The following DOCK1 variants were observed in gnomAD, a reference collection of about 807,000 sequenced individuals.
DOCK1 encodes dedicator of cytokinesis 1.
In DOCK1, 138 loss-of-function variants were observed where a neutral mutation model predicts 262.7. That is an observed-to-expected ratio of 0.53 (90% CI 0.46 to 0.61). The LOEUF (loss-of-function observed/expected upper bound fraction) is 0.61. DOCK1 is among the 20% of genes least tolerant of loss of function. DOCK1 has a pLI of 0.00. For missense variants in DOCK1, 1,908 were observed against 2,370.7 expected, an observed-to-expected ratio of 0.80 and a Z score of 4.05; for synonymous variants, 866 against 867.4, an observed-to-expected ratio of 1.00 and a Z score of 0.03.
At chr10:127,013,173 G>A (rs1329770212) in intron 12 of DOCK1, among the ~76,000 whole-genome samples, 1 of 152,160 alleles carries the variant, frequency 6.6e-6, no homozygotes, top group East Asian at 1.9e-4. Flanking sequence ...CCTTCCTAGG[G>A]ATCTGCAGGG....
chr10:126,941,761 GACAAAACAAAACAAA>G (rs1192975240), intron 1 of DOCK1, among the ~76,000 whole-genome samples: 1 of 150,488 alleles, frequency 6.6e-6, no homozygotes. Flanking sequence ...TCTCAAAACA[GACAAAACAAAACAAA>G]ACAAAACAAA....
chr10:127,019,300 G>C (rs933884940), intron 13 of DOCK1, among the ~76,000 whole-genome samples: 2 of 152,108 alleles, frequency 1.3e-5, no homozygotes, highest in Non-Finnish European at 2.9e-5. Context: ...CCGATAACAG[G>C]ATTTGCGTGT....
chr10:127,099,918 A>C (rs552785386), intron 23 of DOCK1, among the ~76,000 whole-genome samples: 43 of 152,282 alleles, frequency 2.8e-4, no homozygotes, highest in Admixed American at 2.2e-3. Context: ...GGGGCGGCAG[A>C]GCAGTGACTC....
At chr10:127,313,433 CA>C (rs1426302162) in intron 29 of DOCK1, among the ~76,000 whole-genome samples, 2 of 152,180 alleles carry the variant, frequency 1.3e-5, no homozygotes, top group Non-Finnish European at 2.9e-5. Flanking sequence ...TAGGGAACAG[CA>C]TTTAAGCCAT....
At chr10:127,331,043 T>C (rs1350403611) in intron 29 of DOCK1, among the ~76,000 whole-genome samples, 1 of 152,030 alleles carries the variant, frequency 6.6e-6, no homozygotes, top group Non-Finnish European at 1.5e-5. Flanking sequence ...ACTGGCAAGC[T>C]GTCACGTGGA....
intron 27 of DOCK1, among the ~76,000 whole-genome samples, chr10:127,240,466 A>G (rs1439605028): frequency 6.6e-6 from 1 of 152,156 alleles, no homozygotes; most frequent in African/African-American, 2.4e-5. Context: ...TTATGAGTTC[A>G]CTGATGAGAA....
intron 11 of DOCK1, among the ~76,000 whole-genome samples, chr10:127,011,010 C>G (rs573839487): frequency 1.3e-5 from 2 of 152,310 alleles, no homozygotes; most frequent in South Asian, 4.1e-4. Context: ...GTTTTAGATT[C>G]ACTGATTTTC....
intron 27 of DOCK1, among the ~76,000 whole-genome samples, chr10:127,128,696 C>G (rs1036760184): frequency 6.6e-6 from 1 of 152,136 alleles, no homozygotes; most frequent in East Asian, 1.9e-4. Context: ...CAGCTTCATC[C>G]ATGTCCCTGC....
intron 1 of DOCK1, among the ~76,000 whole-genome samples, chr10:126,949,607 G>T (rs935781953): frequency 1.3e-5 from 2 of 152,110 alleles, no homozygotes; most frequent in Non-Finnish European, 2.9e-5. Context: ...AGCATCGGGT[G>T]TTGAATGTCC....
At chr10:127,376,032 A>G (rs746629697) in intron 35 of DOCK1, among the ~76,000 whole-genome samples, 4 of 152,162 alleles carry the variant, frequency 2.6e-5, no homozygotes, top group Non-Finnish European at 4.4e-5. Context: ...TTCACTTTCA[A>G]CGCATTAGTA....
chr10:127,103,689 G>A (rs1371100775), intron 23 of DOCK1, among the ~76,000 whole-genome samples: 2 of 152,220 alleles, frequency 1.3e-5, no homozygotes, highest in Admixed American at 1.3e-4. Context: ...GAGTAAGTGG[G>A]CTGAAGTGCA....
At chr10:127,027,301 A>T (rs2042934856) in intron 16 of DOCK1, among the ~76,000 whole-genome samples, 2 of 152,228 alleles carry the variant, frequency 1.3e-5, no homozygotes, top group African/African-American at 4.8e-5. Context: ...TTTGAGGATA[A>T]GAATACCTTT....
At chr10:126,906,700 G>A (rs532055280) in intron 1 of DOCK1, among the ~76,000 whole-genome samples, 10 of 152,322 alleles carry the variant, frequency 6.6e-5, no homozygotes, top group African/African-American at 1.9e-4. Flanking sequence ...CCCTCTGCTG[G>A]TGTGGTTCGA....
chr10:127,106,119 A>T (rs1332289399), intron 23 of DOCK1, 112 bp from the exon 24 acceptor site: 9 of 1,111,142 alleles, frequency 8.1e-6, no homozygotes, highest in Middle Eastern at 2.0e-4. Flanking sequence ...CTCATCTGGA[A>T]GTGATCTTTC....
intron 27 of DOCK1, among the ~76,000 whole-genome samples, chr10:127,229,381 G>C (rs910631814): frequency 6.6e-6 from 1 of 152,006 alleles, no homozygotes; most frequent in African/African-American, 2.4e-5. Flanking sequence ...TTTGACCATC[G>C]TCTCCCCGGT....
chr10:127,227,181 C>T (rs547403255), intron 27 of DOCK1, among the ~76,000 whole-genome samples: 3 of 152,336 alleles, frequency 2.0e-5, no homozygotes, highest in African/African-American at 4.8e-5. Flanking sequence ...CTGTTCCTCA[C>T]CTGATGCCTG....
Position 126,963,633 on chromosome 10 carries a change from C to CCTTCCTT in DOCK1, c.47-7068_47-7067insTTCCTTC, listed in dbSNP as rs1491540313. Among the ~76,000 whole-genome samples the CCTTCCTT allele has an allele frequency of 6.2e-3, 406 of 65,848 alleles. 18 individuals carry two copies. The highest frequency in any genetic ancestry group is 0.03 in the African/African-American group (384 of 12,794). The allele number at this position is 65,848 out of a possible 152,430, so 43.2% of individuals were successfully genotyped here. ...CCCTTCCCTTCCCTTCCCTTCCCTT[C>CCTTCCTT]CCTTCCCTCCTTCCTTCCTTCCTTC... On this transcript the variant is annotated intron_variant, in intron 1 of 51. Transcript: ENST00000623213.
At chr10:127,026,157 G>C (rs1346738128) in intron 15 of DOCK1, 195 bp from the exon 16 acceptor site, 1 of 580,242 alleles carries the variant, frequency 1.7e-6, no homozygotes, top group Non-Finnish European at 3.0e-6. Context: ...TGGCTTGGCA[G>C]CTGTTACAAT....
At chr10:127,374,021 G>T in intron 34 of DOCK1, 37 bp from the exon 35 acceptor site, 1 of 1,573,766 alleles carries the variant, frequency 6.4e-7, no homozygotes, top group Admixed American at 1.9e-5. Context: ...TTCTTTTTCT[G>T]AGTGTGATTA....
Sources: allele counts gnomAD v4.1 joint callset (sites outside exome capture counted in the v4.1 genomes callset), GRCh38; gene constraint gnomAD v4.1.1; transcripts MANE v1.5; gene names NCBI Gene and HGNC (gene_info 2026-07-23, HGNC 2026-07-21).